Variants in CHN2 observed in about 807,000 individuals in gnomAD.
CHN2 encodes chimerin 2, also known as beta-chimaerin.
In CHN2, 35 loss-of-function variants were observed where a neutral mutation model predicts 56.3. That is an observed-to-expected ratio of 0.62 (90% CI 0.47 to 0.82). The LOEUF is 0.82. CHN2 is among the 40% of genes least tolerant of loss of function. CHN2 has a pLI of 0.00. For missense variants in CHN2, 491 were observed against 580.5 expected (o/e 0.85, Z 1.58); for synonymous variants, 210 against 212.8 (o/e 0.99, Z 0.12).
At chr7:29,360,520 C>CA (rs1345500376) in intron 2 of CHN2, among the ~76,000 whole-genome samples, 2 of 151,732 alleles carry the variant, frequency 1.3e-5, no homozygotes, top group East Asian at 1.9e-4. Flanking sequence ...AACCCCGTCT[C>CA]AAAAAAACAA....
chr7:29,368,009 AT>A (rs766832701), intron 3 of CHN2, 22 bp downstream of exon 3: 186 of 1,597,268 alleles, frequency 1.2e-4, no homozygotes, highest in Non-Finnish European at 1.5e-4. Flanking sequence ...GCTATTTCCA[AT>A]ACACCTTGTT....
At chr7:29,282,967 G>C (rs3812350) in intron 1 of CHN2, among the ~76,000 whole-genome samples, 5,550 of 152,256 alleles carry the variant, frequency 0.036, 172 homozygotes, top group East Asian at 0.12. Context: ...TGGATGGCCC[G>C]AGTGGTAGAG....
chr7:29,285,850 G>A (rs1277025722), intron 1 of CHN2, among the ~76,000 whole-genome samples: 2 of 152,172 alleles, frequency 1.3e-5, no homozygotes, highest in African/African-American at 4.8e-5. Flanking sequence ...GTTATTGACA[G>A]AATTTTGGAA....
intron 3 of CHN2, among the ~76,000 whole-genome samples, chr7:29,379,849 G>C (rs1447686774): frequency 1.3e-5 from 2 of 152,134 alleles, no homozygotes; most frequent in African/African-American, 2.4e-5. Context: ...TTCTGAAAAA[G>C]CATAGTTGAA....
rs186509251 is a variant in CHN2, at chr7:29,428,601, A to G, written c.576+27773A>G. On this transcript the variant is annotated intron_variant, in intron 6 of 12. Transcript: ENST00000222792. ...CTTCAACCAACACAACAAGTGAAAT[A>G]TAGGACCAGATGTGAGAATCCAACT... Among the ~76,000 whole-genome samples the G allele has an allele frequency of 1.4e-4, 21 of 152,292 alleles. No homozygotes were observed. In the East Asian group the frequency reaches 3.5e-3, roughly 25 times the overall value.
chr7:29,399,406 C>A (rs1156823017), intron 5 of CHN2, among the ~76,000 whole-genome samples: 1 of 152,174 alleles, frequency 6.6e-6, no homozygotes, highest in Non-Finnish European at 1.5e-5. Context: ...ACCCTTCAGG[C>A]CAATGAGCCA....
At chr7:29,233,987 C>T (rs1266157354) in intron 1 of CHN2, among the ~76,000 whole-genome samples, 1 of 150,012 alleles carries the variant, frequency 6.7e-6, no homozygotes, top group East Asian at 2.0e-4. Flanking sequence ...GCGCCCGCCA[C>T]CACGCCCGGC....
chr7:29,256,814 G>A (rs980357418), intron 1 of CHN2, among the ~76,000 whole-genome samples: 23 of 151,854 alleles, frequency 1.5e-4, no homozygotes, highest in Admixed American at 2.6e-4. Context: ...GGAACCGATC[G>A]CCCCCCCACC....
chr7:29,255,382 A>T (rs1788987676), intron 1 of CHN2, among the ~76,000 whole-genome samples: 1 of 152,150 alleles, frequency 6.6e-6, no homozygotes, highest in Non-Finnish European at 1.5e-5. Context: ...CCAGTCCTAA[A>T]TCTTGGGGCG....
chr7:29,398,319 G>A (rs1801929841), intron 4 of CHN2, 54 bp from the exon 5 acceptor site: 2 of 1,329,172 alleles, frequency 1.5e-6, no homozygotes, highest in South Asian at 2.4e-5. Context: ...AGTTCTTTGT[G>A]GTCCTTATTC....
chr7:29,269,454 G>T (rs1192874572), intron 1 of CHN2, among the ~76,000 whole-genome samples: 1 of 152,122 alleles, frequency 6.6e-6, no homozygotes, highest in Non-Finnish European at 1.5e-5. Flanking sequence ...TGCACCTGTT[G>T]ATGGACACTT....
chr7:29,162,592 C>T (rs1002374714), intron 2 of CHN2, among the ~76,000 whole-genome samples: 12 of 146,140 alleles, frequency 8.2e-5, no homozygotes, highest in Middle Eastern at 3.6e-3. Context: ...ACCCGGAAGG[C>T]GGAAGTTGCA....
chr7:29,393,419 G>A (rs1232841834), intron 3 of CHN2, among the ~76,000 whole-genome samples: 4 of 152,080 alleles, frequency 2.6e-5, no homozygotes, highest in South Asian at 2.1e-4. Context: ...AATAAGCATC[G>A]CTTTGTTTTT....
chr7:29,394,412 G>A (rs1801583589), intron 4 of CHN2, among the ~76,000 whole-genome samples: 1 of 152,190 alleles, frequency 6.6e-6, no homozygotes, highest in Non-Finnish European at 1.5e-5. Context: ...CAACCTGGAG[G>A]CGTTGTGAGG....
chr7:29,237,221 A>G (rs1317023694), intron 1 of CHN2, among the ~76,000 whole-genome samples: 1 of 152,202 alleles, frequency 6.6e-6, no homozygotes, highest in South Asian at 2.1e-4. Flanking sequence ...AAATATTTCA[A>G]TGTGATTAGA....
intron 1 of CHN2, among the ~76,000 whole-genome samples, chr7:29,338,786 G>A (rs569110877): frequency 6.6e-6 from 1 of 152,210 alleles, no homozygotes; most frequent in Non-Finnish European, 1.5e-5. Context: ...CACCACGTTG[G>A]CCAGGCTGGT....
chr7:29,358,545 C>A (rs892337491), intron 2 of CHN2, among the ~76,000 whole-genome samples: 3 of 152,142 alleles, frequency 2.0e-5, no homozygotes. Context: ...TCACTGCAAG[C>A]CCCGCCTCCC....
chr7:29,367,909 T>C, intron 2 of CHN2, 23 bp from the exon 3 acceptor site: 1 of 1,603,422 alleles, frequency 6.2e-7, no homozygotes, highest in Non-Finnish European at 8.5e-7. Flanking sequence ...TATTTCTCTC[T>C]CTCTCTCTCT....
chr7:29,433,090 A>C (rs1423518719), intron 6 of CHN2, among the ~76,000 whole-genome samples: 2 of 152,202 alleles, frequency 1.3e-5, no homozygotes, highest in Non-Finnish European at 2.9e-5. Context: ...TATTTCTTTC[A>C]TTCAGTGTTT....
Sources: allele counts gnomAD v4.1 joint callset (sites outside exome capture counted in the v4.1 genomes callset), GRCh38; gene constraint gnomAD v4.1.1; transcripts MANE v1.5; gene names NCBI Gene and HGNC (gene_info 2026-07-23, HGNC 2026-07-21).